The following SLC4A10 variants were observed in gnomAD, a reference collection of about 807,000 sequenced individuals.
SLC4A10 encodes solute carrier family 4 member 10.
In SLC4A10, 42 loss-of-function variants were observed where a neutral mutation model predicts 137.7. The ratio of observed to expected loss-of-function variants is 0.30; its 90% CI spans 0.24 to 0.39. The LOEUF (loss-of-function observed/expected upper bound fraction) is 0.39, where lower values mean the gene tolerates loss of function less well. Ranked by LOEUF, SLC4A10 falls within the 10% of genes least tolerant of loss-of-function variation. The probability of loss-of-function intolerance (pLI) is 1.00; values close to 1 mark genes in which losing one functional copy is unlikely to be tolerated. For missense variants in SLC4A10, 925 were observed against 1,355.0 expected (o/e 0.68, Z 4.98); for synonymous variants, 474 against 464.1 (o/e 1.02, Z -0.27).
chr2:161,739,103 T>A lies in SLC4A10; in HGVS notation c.49-31870T>A, dbSNP rs555099770. On this transcript the variant is annotated intron_variant, in intron 1 of 26. Transcript: ENST00000446997. ...GATCCTTGGCCCTAGGACCACTGCA[T>A]CAAGTGGGTGGGTGGGGGGAACATG... 8.5e-5 allele frequency among the ~76,000 whole-genome samples: 13 copies of A among 152,170 alleles called. No individual in the cohort carries two copies. The East Asian group carries it at 2.5e-3, about 29-fold the overall frequency.
At chr2:161,637,365 T>TA (rs2034614175) in intron 1 of SLC4A10, among the ~76,000 whole-genome samples, 1 of 150,990 alleles carries the variant, frequency 6.6e-6, no homozygotes, top group African/African-American at 2.4e-5. Flanking sequence ...CTCCCAGTAA[T>TA]TTTTTTTGTA....
intron 1 of SLC4A10, among the ~76,000 whole-genome samples, chr2:161,663,832 T>G (rs540904136): frequency 6.6e-6 from 1 of 152,220 alleles, no homozygotes; most frequent in South Asian, 2.1e-4. Context: ...TGTTATAATA[T>G]GAATTTTTTT....
At chr2:161,631,366 C>A (rs2033517498) in intron 1 of SLC4A10, among the ~76,000 whole-genome samples, 1 of 151,432 alleles carries the variant, frequency 6.6e-6, no homozygotes, top group Non-Finnish European at 1.5e-5. Flanking sequence ...AAGGAGAAGG[C>A]CGAGTATCCA....
At chr2:161,765,401 G>A (rs1185038382) in intron 1 of SLC4A10, among the ~76,000 whole-genome samples, 1 of 152,074 alleles carries the variant, frequency 6.6e-6, no homozygotes, top group Admixed American at 6.6e-5. Flanking sequence ...GAGGTCAGGA[G>A]TTCAAGACCA....
chr2:161,970,616 T>C (rs1403285592), intron 23 of SLC4A10, among the ~76,000 whole-genome samples: 1 of 152,250 alleles, frequency 6.6e-6, no homozygotes, highest in Non-Finnish European at 1.5e-5. Flanking sequence ...TGAATATTGG[T>C]CTCTGTTGCC....
intron 2 of SLC4A10, among the ~76,000 whole-genome samples, chr2:161,785,664 A>G (rs1282197927): frequency 6.6e-6 from 1 of 151,840 alleles, no homozygotes; most frequent in African/African-American, 2.4e-5. Flanking sequence ...AACTCTCAAC[A>G]AATTAGCTGT....
At position 161,983,209 on chromosome 2, in the gene SLC4A10, C is replaced by T. The variant is rs1700465304; in HGVS notation, c.*57C>T. On this transcript the variant is annotated 3_prime_UTR_variant, in exon 27 of 27. Transcript: ENST00000446997. Reference sequence around the variant, plus strand: ...AAAGCCGAAAAGAGAAGAAAGCTGACTCAGGGAAAGGTGTTGACAGGGAGA... The same window carrying T: ...AAAGCCGAAAAGAGAAGAAAGCTGATTCAGGGAAAGGTGTTGACAGGGAGA... The T allele has an allele frequency of 1.3e-6, 2 of 1,536,564 alleles. No homozygotes were observed. Among genetic ancestry groups the T allele is most frequent in the South Asian group, 2.4e-5 (2 of 84,050 alleles).
chr2:161,837,242 A>G (rs1316319855), intron 3 of SLC4A10, among the ~76,000 whole-genome samples: 1 of 152,210 alleles, frequency 6.6e-6, no homozygotes, highest in Non-Finnish European at 1.5e-5. Context: ...AATAATAAGT[A>G]AGTTTAATAA....
intron 11 of SLC4A10, among the ~76,000 whole-genome samples, chr2:161,899,047 C>G (rs966103393): frequency 6.6e-6 from 1 of 152,016 alleles, no homozygotes; most frequent in African/African-American, 2.4e-5. Context: ...CAAAAAAGAA[C>G]TTCTATAGAT....
intron 1 of SLC4A10, among the ~76,000 whole-genome samples, chr2:161,723,084 C>T (rs912303156): frequency 1.2e-4 from 18 of 152,152 alleles, no homozygotes; most frequent in Non-Finnish European, 1.6e-4. Flanking sequence ...TCCCTCAGTT[C>T]GTCTTAGGCA....
intron 15 of SLC4A10, among the ~76,000 whole-genome samples, chr2:161,930,689 G>A (rs918585198): frequency 6.6e-6 from 1 of 151,926 alleles, no homozygotes; most frequent in Non-Finnish European, 1.5e-5. Flanking sequence ...TTCAGTATTA[G>A]TGAGTATTAC....
chr2:161,819,221 A>G (rs1387343865), intron 3 of SLC4A10, among the ~76,000 whole-genome samples: 1 of 152,140 alleles, frequency 6.6e-6, no homozygotes, highest in Non-Finnish European at 1.5e-5. Flanking sequence ...ATCATAGGAA[A>G]ACAATGACTG....
At chr2:161,865,972 A>T (rs189651721) in intron 6 of SLC4A10, among the ~76,000 whole-genome samples, 2,824 of 151,914 alleles carry the variant, frequency 0.019, 85 homozygotes, top group African/African-American at 0.062. Context: ...TGACTTTTTT[A>T]AAAAAAAGAT....
At chr2:161,732,116 G>A (rs547770826) in intron 1 of SLC4A10, among the ~76,000 whole-genome samples, 1 of 152,186 alleles carries the variant, frequency 6.6e-6, no homozygotes, top group African/African-American at 2.4e-5. Flanking sequence ...CAGCTATTCA[G>A]AAACACCCTT....
intron 26 of SLC4A10, among the ~76,000 whole-genome samples, chr2:161,979,171 A>G (rs1483573556): frequency 1.3e-5 from 2 of 152,234 alleles, no homozygotes; most frequent in African/African-American, 4.8e-5. Flanking sequence ...CCTGTATTAT[A>G]TGGATTCAAA....
chr2:161,707,142 T>G (rs1415390826), intron 1 of SLC4A10, among the ~76,000 whole-genome samples: 1 of 151,482 alleles, frequency 6.6e-6, no homozygotes, highest in East Asian at 1.9e-4. Context: ...TAGATGGAAA[T>G]ATTTGTTTAC....
intron 1 of SLC4A10, among the ~76,000 whole-genome samples, chr2:161,705,694 GC>G (rs35357387): frequency 6.6e-6 from 1 of 151,534 alleles, no homozygotes; most frequent in Admixed American, 6.6e-5. Flanking sequence ...GAGTTGCCTT[GC>G]CCCCTTTTCT....
At chr2:161,874,931 G>A (rs781645776) in intron 8 of SLC4A10, among the ~76,000 whole-genome samples, 66 of 152,206 alleles carry the variant, frequency 4.3e-4, no homozygotes, top group Non-Finnish European at 7.6e-4. Context: ...TTAATAAAAG[G>A]TGGTTACACT....
intron 6 of SLC4A10, among the ~76,000 whole-genome samples, chr2:161,870,691 C>A (rs1191659995): frequency 6.6e-6 from 1 of 151,670 alleles, no homozygotes; most frequent in African/African-American, 2.4e-5. Context: ...TGAATGGCTG[C>A]TAATGAACAG....
Sources: gnomAD v4.1 joint callset for allele counts (sites outside exome capture counted in the v4.1 genomes callset) on GRCh38, gnomAD v4.1.1 for gene constraint, MANE v1.5 for transcripts, NCBI Gene and HGNC (gene_info 2026-07-23, HGNC 2026-07-21) for gene names.